The following SAMHD1 variants were observed in gnomAD, a reference collection of about 807,000 sequenced individuals.
SAMHD1 encodes deoxynucleoside triphosphate triphosphohydrolase SAMHD1.
In SAMHD1, 54 loss-of-function variants were observed where a neutral mutation model predicts 79.6. That is an observed-to-expected ratio of 0.68 (90% CI 0.55 to 0.85). The LOEUF (loss-of-function observed/expected upper bound fraction) is 0.85, where lower values mean the gene tolerates loss of function less well. Ranked by LOEUF, SAMHD1 falls within the 40% of genes least tolerant of loss-of-function variation. The pLI is 0.00. For synonymous variants in SAMHD1, 260 were observed against 264.1 expected, an observed-to-expected ratio of 0.98 and a Z score of 0.15; for missense variants, 663 against 782.7, an observed-to-expected ratio of 0.85 and a Z score of 1.82.
intron 3 of SAMHD1, among the ~76,000 whole-genome samples, chr20:36,939,659 T>C (rs2063628623): frequency 6.6e-6 from 1 of 152,146 alleles, no homozygotes; most frequent in Non-Finnish European, 1.5e-5. Context: ...TGTATTCTTA[T>C]AGAGAGGGAT....
chr20:36,945,667 C>T (rs1311238597), intron 2 of SAMHD1, among the ~76,000 whole-genome samples: 5 of 151,348 alleles, frequency 3.3e-5, no homozygotes, highest in African/African-American at 7.3e-5. Context: ...GACCTTGGCC[C>T]ACCTTAGGTC....
At chr20:36,902,176 G>T (rs1275269940) in intron 13 of SAMHD1, among the ~76,000 whole-genome samples, 1 of 152,018 alleles carries the variant, frequency 6.6e-6, no homozygotes, top group Admixed American at 6.6e-5. Flanking sequence ...TGATGATGAT[G>T]ATTATTAGTA....
chr20:36,951,300 T>A, intron 1 of SAMHD1, 136 bp downstream of exon 1: 1 of 1,255,286 alleles, frequency 8.0e-7, no homozygotes, highest in South Asian at 1.4e-5. Flanking sequence ...CCAGCGCAGG[T>A]CCGCCCTCCC....
Position 36,911,353 on chromosome 20 carries a change from A to G in SAMHD1, c.1155-20T>C. ...GTAATCCTAAAAATCATTTTGCAAA[A>G]ATTTATGTTTATGAGAAATTTTGAA... On this transcript the variant is annotated intron_variant, in intron 10 of 15. Transcript: ENST00000646673. 1 of 1,497,610 alleles carries G rather than the reference A, an allele frequency of 6.7e-7. No individual in the cohort carries two copies. The allele number at this position is 1,497,610 out of a possible 1,614,324, so 92.8% of individuals were successfully genotyped here. A position where few individuals can be genotyped will look rare whatever the true frequency, so the allele number is the denominator to read the frequency against.
intron 1 of SAMHD1, among the ~76,000 whole-genome samples, chr20:36,947,385 G>GGTGTGT (rs1555837832): frequency 1.4e-5 from 1 of 73,258 alleles, no homozygotes; most frequent in African/African-American, 7.2e-5. Flanking sequence ...ATTTGGAAGA[G>GGTGTGT]GTGTGTGTGA....
intron 1 of SAMHD1, among the ~76,000 whole-genome samples, chr20:36,948,380 G>A (rs2063709133): frequency 6.6e-6 from 1 of 152,052 alleles, no homozygotes; most frequent in South Asian, 2.1e-4. Flanking sequence ...AGCTTCCCAA[G>A]TAGCTGGGAC....
chr20:36,893,491 A>G (rs1990131397), intron 15 of SAMHD1: 1 of 274,442 alleles, frequency 3.6e-6, no homozygotes, highest in African/African-American at 2.2e-5. Context: ...GAAGAACAGT[A>G]TGTACCTGCA....
At chr20:36,935,759 T>A (rs6124465) in intron 3 of SAMHD1, among the ~76,000 whole-genome samples, 19 of 151,886 alleles carry the variant, frequency 1.3e-4, no homozygotes, top group African/African-American at 4.6e-4. Context: ...TGAGTAGAGA[T>A]GGGGTTTCAC....
At chr20:36,913,056 G>A (rs556463091) in intron 9 of SAMHD1, among the ~76,000 whole-genome samples, 1 of 145,982 alleles carries the variant, frequency 6.9e-6, no homozygotes, top group East Asian at 2.0e-4. Context: ...GAGTGCAGTG[G>A]CGCCATCTCG....
intron 3 of SAMHD1, 92 bp from the exon 4 acceptor site, chr20:36,935,281 A>T: frequency 9.7e-7 from 1 of 1,035,086 alleles, no homozygotes; most frequent in Admixed American, 1.9e-5. Context: ...GCAAAGTCAA[A>T]GCTATTTGAT....
chr20:36,905,062 A>C (rs922353169), intron 12 of SAMHD1: 1 of 380,004 alleles, frequency 2.6e-6, no homozygotes, highest in African/African-American at 2.0e-5. Flanking sequence ...CTCATGTCTG[A>C]ATCTAGCCAA....
At chr20:36,942,138 G>A (rs1424197610) in intron 2 of SAMHD1, among the ~76,000 whole-genome samples, 3 of 152,068 alleles carry the variant, frequency 2.0e-5, no homozygotes, top group East Asian at 1.9e-4. Context: ...AAAATCGGCC[G>A]GGCGCAGTGG....
At chr20:36,946,442 T>A in intron 2 of SAMHD1, 1 of 260,060 alleles carries the variant, frequency 3.8e-6, no homozygotes, top group Non-Finnish European at 7.3e-6. Context: ...AAAAAATTAG[T>A]GGGGCATGGT....
At chr20:36,936,654 T>A (rs539559683) in intron 3 of SAMHD1, among the ~76,000 whole-genome samples, 44 of 152,130 alleles carry the variant, frequency 2.9e-4, no homozygotes, top group African/African-American at 1.1e-3. Context: ...TCACTGTAAA[T>A]TTTTCAGGTT....
chr20:36,911,155 C>T, intron 11 of SAMHD1, 63 bp downstream of exon 11: 1 of 890,488 alleles, frequency 1.1e-6, no homozygotes, highest in Non-Finnish European at 1.9e-6. Context: ...AACTCATTGG[C>T]AATTCAGGGA....
chr20:36,951,524 G>A lies in SAMHD1; in HGVS notation c.120C>T (p.Pro40=), dbSNP rs1164431300. The A allele has an allele frequency of 1.2e-6, 2 of 1,614,084 alleles. No homozygotes were observed. The highest frequency in any genetic ancestry group is 1.7e-6 in the Non-Finnish European group (2 of 1,180,022). ...GCTCCGGACCCCATGTCTTGTAGTCGGGATGGAGTTCCAGGCCCGGGGACC... is the reference window on the plus strand; with the variant it reads ...GCTCCGGACCCCATGTCTTGTAGTCAGGATGGAGTTCCAGGCCCGGGGACC... ...ADWSPGLELH[P]DYKTWGPEQV... Residue 40 remains proline (P), a synonymous_variant, in exon 1 of 16, where the codon CCC becomes CCT. Transcript: ENST00000646673.
chr20:36,946,861 C>T, intron 1 of SAMHD1, 57 bp from the exon 2 acceptor site: 1 of 1,373,346 alleles, frequency 7.3e-7, no homozygotes, highest in Non-Finnish European at 1.0e-6. Context: ...CATTTTCTTT[C>T]AATTTGGATA....
At chr20:36,904,982 G>A (rs1361357286) in intron 12 of SAMHD1, 2 of 271,102 alleles carry the variant, frequency 7.4e-6, no homozygotes, top group East Asian at 1.8e-4. Context: ...CATTACAACA[G>A]GTCACCACAG....
chr20:36,902,884 C>T (rs563768973), intron 13 of SAMHD1, among the ~76,000 whole-genome samples: 5 of 151,726 alleles, frequency 3.3e-5, no homozygotes, highest in South Asian at 2.1e-4. Flanking sequence ...ATTATAGGCG[C>T]GCACCACCAC....
Sources: gnomAD v4.1 joint callset for allele counts (sites outside exome capture counted in the v4.1 genomes callset) on GRCh38, gnomAD v4.1.1 for gene constraint, MANE v1.5 for transcripts, NCBI Gene and HGNC (gene_info 2026-07-23, HGNC 2026-07-21) for gene names.